Variants in APOD observed in about 807,000 individuals in gnomAD.
APOD encodes the protein apolipoprotein D.
A neutral mutation model predicts 20.4 loss-of-function variants in APOD; 22 were observed. The observed-to-expected ratio is 1.08, with a 90% CI of 0.77 to 1.54. The LOEUF is 1.54. APOD is among the 40% of genes most tolerant of loss of function. The pLI is 0.00. For missense variants in APOD, 223 were observed against 229.6 expected, an observed-to-expected ratio of 0.97 and a Z score of 0.19; for synonymous variants, 97 against 92.4, an observed-to-expected ratio of 1.05 and a Z score of -0.29.
At chr3:195,569,793 T>G (rs1034396434) in intron 4 of APOD, among the ~76,000 whole-genome samples, 4 of 124,356 alleles carry the variant, frequency 3.2e-5, no homozygotes, top group Non-Finnish European at 5.2e-5. Context: ...TTCGTTTTTT[T>G]TTTTTTTTTT....
chr3:195,573,501 G>A (rs548323478), intron 3 of APOD, among the ~76,000 whole-genome samples: 1 of 152,354 alleles, frequency 6.6e-6, no homozygotes, highest in East Asian at 1.9e-4. Context: ...TCCTGGAAGT[G>A]TTTGAACAAA....
chr3:195,577,108 A>G (rs755091547), intron 2 of APOD: 4 of 322,470 alleles, frequency 1.2e-5, no homozygotes, highest in South Asian at 9.2e-5. Context: ...AATTGCTTGA[A>G]CCCGGGAGGC....
chr3:195,576,874 GA>G (rs2108969912), intron 2 of APOD, among the ~76,000 whole-genome samples: 1 of 151,030 alleles, frequency 6.6e-6, no homozygotes, highest in South Asian at 2.1e-4. Flanking sequence ...ATTTGCAGAT[GA>G]AATTAAGAAA....
At chr3:195,576,680 C>T (rs144673034) in intron 2 of APOD, among the ~76,000 whole-genome samples, 1,848 of 151,520 alleles carry the variant, frequency 0.012, 38 homozygotes, top group African/African-American at 0.042. Context: ...CATGGTGGCA[C>T]GCAACTGTAA....
rs200334618 is a variant in APOD, at chr3:195,568,852, C to T, written c.*48G>A. On this transcript the variant is annotated 3_prime_UTR_variant, in exon 5 of 5. Transcript: ENST00000343267. ...TTTATGGGGGGGGGGTAGGGGAAAGCGAAGCAGAAGTAACATGGAGTGGGT... is the reference window on the plus strand; with the variant it reads ...TTTATGGGGGGGGGGTAGGGGAAAGTGAAGCAGAAGTAACATGGAGTGGGT... 136 of 1,363,760 alleles carry T rather than the reference C, an allele frequency of 1.0e-4. No individual in the cohort carries two copies. The highest frequency in any genetic ancestry group is 1.9e-4 in the Middle Eastern group (1 of 5,162). 84.5% of individuals were successfully genotyped at this position (1,363,760 alleles called of 1,614,324 possible).
At chr3:195,572,476 G>A (rs563839193) in intron 3 of APOD, among the ~76,000 whole-genome samples, 1 of 152,272 alleles carries the variant, frequency 6.6e-6, no homozygotes, top group South Asian at 2.1e-4. Flanking sequence ...TTAAAAGCTG[G>A]GGGCTTAGAT....
At chr3:195,571,426 A>G in intron 3 of APOD, 61 bp from the exon 4 acceptor site, 1 of 1,489,022 alleles carries the variant, frequency 6.7e-7, no homozygotes, top group Non-Finnish European at 9.2e-7. Flanking sequence ...AAAACAACTC[A>G]TTGAAAGCCA....
chr3:195,579,594 G>T, intron 1 of APOD, 99 bp from the exon 2 acceptor site: 1 of 1,302,740 alleles, frequency 7.7e-7, no homozygotes, highest in Non-Finnish European at 1.1e-6. Context: ...CTCTGTGGGC[G>T]GTCCCTCCTC....
intron 1 of APOD, among the ~76,000 whole-genome samples, chr3:195,580,380 T>TTC (rs1379130696): frequency 6.6e-6 from 1 of 151,270 alleles, no homozygotes; most frequent in Non-Finnish European, 1.5e-5. Context: ...TTTTTTTTTT[T>TTC]TGACATTCTG....
intron 2 of APOD, among the ~76,000 whole-genome samples, chr3:195,574,249 GATGGGA>G (rs1036587489): frequency 1.3e-5 from 2 of 152,190 alleles, no homozygotes; most frequent in African/African-American, 4.8e-5. Context: ...AAAAGGGGAT[GATGGGA>G]AATACCTTTC....
intron 2 of APOD, among the ~76,000 whole-genome samples, chr3:195,575,356 A>C (rs576207319): frequency 6.6e-6 from 1 of 152,178 alleles, no homozygotes; most frequent in African/African-American, 2.4e-5. Flanking sequence ...CTTCGATCAC[A>C]TTTGCAAAAG....
chr3:195,569,471 T>C (rs1434255819), intron 4 of APOD, among the ~76,000 whole-genome samples: 1 of 152,144 alleles, frequency 6.6e-6, no homozygotes, highest in Admixed American at 6.5e-5. Context: ...CTGAGAACTC[T>C]TAAGCCCAGA....
intron 1 of APOD, among the ~76,000 whole-genome samples, chr3:195,582,410 G>A: frequency 6.6e-6 from 1 of 152,114 alleles, no homozygotes; most frequent in East Asian, 1.9e-4. Context: ...TTGTTCTTAT[G>A]AGGAGTTTAA....
rs137988905 is a variant in APOD at position 195,568,808 on chromosome 3, C to T, written c.*92G>A. On this transcript the variant is annotated 3_prime_UTR_variant, in exon 5 of 5. Coordinates refer to ENST00000343267, the MANE Select transcript of APOD (RefSeq NM_001647.4). ...ACATGTTCAGGTCAACTTCCTTTGT[C>T]GTGGTTGATTGGTTTGTCTTTATGG... 217 of 828,716 alleles carry T rather than the reference C, an allele frequency of 2.6e-4. No homozygotes were observed. Among genetic ancestry groups the T allele is most frequent in the African/African-American group, 9.5e-4 (42 of 44,078 alleles). 51.3% of individuals were successfully genotyped at this position (828,716 alleles called of 1,614,324 possible). A position where few individuals can be genotyped will look rare whatever the true frequency, so the allele number is the denominator to read the frequency against.
chr3:195,570,199 G>T (rs1383236322), intron 4 of APOD, among the ~76,000 whole-genome samples: 2 of 152,098 alleles, frequency 1.3e-5, no homozygotes, highest in Admixed American at 1.3e-4. Flanking sequence ...GATCCCTATG[G>T]GAAAAATACT....
intron 4 of APOD, among the ~76,000 whole-genome samples, chr3:195,570,226 G>C (rs1305214281): frequency 6.6e-6 from 1 of 152,168 alleles, no homozygotes. Flanking sequence ...AGAGTTTGGA[G>C]ACCTAGGTTT....
At chr3:195,574,426 G>T (rs1292172277) in intron 2 of APOD, among the ~76,000 whole-genome samples, 1 of 152,138 alleles carries the variant, frequency 6.6e-6, no homozygotes, top group African/African-American at 2.4e-5. Flanking sequence ...GTGGGGATTT[G>T]AAAGGTCTGT....
At chr3:195,571,148 A>G (rs1720151669) in intron 4 of APOD, 129 bp downstream of exon 4, 2 of 842,350 alleles carry the variant, frequency 2.4e-6, no homozygotes, top group Admixed American at 1.8e-5. Flanking sequence ...TAAGTGTTTG[A>G]CAGATAATTA....
At chr3:195,583,818 G>A (rs1720380784) in intron 1 of APOD, 60 bp downstream of exon 1, 1 of 152,174 alleles carries the variant, frequency 6.6e-6, no homozygotes, top group South Asian at 2.1e-4. Context: ...GGAGAGTCTA[G>A]ACTGTTTCTA....
Sources: gnomAD v4.1 joint callset for allele counts (sites outside exome capture counted in the v4.1 genomes callset) on GRCh38, gnomAD v4.1.1 for gene constraint, MANE v1.5 for transcripts, NCBI Gene and HGNC (gene_info 2026-07-23, HGNC 2026-07-21) for gene names.